Variants in WASHC3 observed in about 807,000 individuals in gnomAD.
WASHC3 encodes the protein WASH complex subunit CCDC53.
WASHC3 carries 24 observed loss-of-function variants against 26.1 expected under a neutral mutation model. The observed-to-expected ratio is 0.92, with a 90% CI of 0.66 to 1.29. WASHC3 has a LOEUF of 1.29. Among genes scored for constraint, WASHC3 ranks in the 50% most tolerant of loss-of-function variants. The pLI is 0.00. For missense variants in WASHC3, 214 were observed against 229.6 expected (o/e 0.93, Z 0.44); for synonymous variants, 77 against 75.7 (o/e 1.02, Z -0.09).
intron 6 of WASHC3, chr12:102,019,404 A>G (rs972209494): frequency 8.0e-6 from 3 of 375,020 alleles, no homozygotes; most frequent in Admixed American, 3.4e-5. Flanking sequence ...AGAAATTTTA[A>G]GACATATTTG....
At position 102,019,811 on chromosome 12, in the gene WASHC3, T is replaced by G. The variant is rs547472036; in HGVS notation, c.500+6163A>C. On this transcript the variant is annotated intron_variant, in intron 6 of 6. Coordinates refer to ENST00000240079, the MANE Select transcript of WASHC3 (RefSeq NM_016053.4). The stretch of plus-strand genomic sequence containing the variant: ...TTTCAAAGAAGTTACTAGGTTGACC[T>G]CAACTAAAAATGAGCCAAAATATAC... Among the ~76,000 whole-genome samples, 4 of 152,312 alleles carry G rather than the reference T, an allele frequency of 2.6e-5. No homozygotes were observed. The South Asian group carries it at 8.3e-4, about 32-fold the overall frequency.
At chr12:102,019,608 A>T (rs1876864562) in intron 6 of WASHC3, among the ~76,000 whole-genome samples, 2 of 152,184 alleles carry the variant, frequency 1.3e-5, no homozygotes, top group South Asian at 4.1e-4. Flanking sequence ...TATATTTTTT[A>T]AAAATTTCAA....
At position 102,046,116 on chromosome 12, in the gene WASHC3, G is replaced by A; in HGVS notation, c.154C>T (p.Leu52=). Residue 52 remains leucine, a synonymous_variant, in exon 3 of 7, where the codon CTG becomes TTG. Transcript: ENST00000240079. Reference sequence around the variant, plus strand: ...TGGATACGAAGTGAAAGGTCTGCCAGTTTCTGTAAAAGAAAAATTAGAGAC... The same window carrying A: ...TGGATACGAAGTGAAAGGTCTGCCAATTTCTGTAAAAGAAAAATTAGAGAC... ...NRFSTVCEEK[L]ADLSLRIQQI... 1 of 1,583,862 alleles carries A rather than the reference G, an allele frequency of 6.3e-7. No individual in the cohort carries two copies. Among genetic ancestry groups the A allele is most frequent in the South Asian group, 1.1e-5 (1 of 87,410 alleles).
intron 5 of WASHC3, among the ~76,000 whole-genome samples, chr12:102,036,868 T>A (rs925968233): frequency 7.9e-5 from 12 of 152,090 alleles, no homozygotes; most frequent in Non-Finnish European, 1.3e-4. Context: ...CTCAGTGACA[T>A]CAAGCAAAAA....
chr12:102,045,577 T>C (rs1878127606), intron 3 of WASHC3, among the ~76,000 whole-genome samples: 1 of 152,224 alleles, frequency 6.6e-6, no homozygotes, highest in South Asian at 2.1e-4. Flanking sequence ...TAAAACAGTC[T>C]TCTATTTTTC....
At chr12:102,035,028 G>A (rs962431797) in intron 5 of WASHC3, among the ~76,000 whole-genome samples, 5 of 151,960 alleles carry the variant, frequency 3.3e-5, no homozygotes, top group South Asian at 2.1e-4. Flanking sequence ...CCTAAGTGAG[G>A]CTAAAAGAAG....
At chr12:102,021,839 A>G (rs1036739977) in intron 6 of WASHC3, among the ~76,000 whole-genome samples, 8 of 92,550 alleles carry the variant, frequency 8.6e-5, no homozygotes, top group South Asian at 2.7e-4. Flanking sequence ...CCATGTAAAA[A>G]AAGTTTTTTG....
intron 3 of WASHC3, 49 bp downstream of exon 3, chr12:102,046,005 G>T: frequency 9.8e-7 from 1 of 1,020,314 alleles, no homozygotes; most frequent in Non-Finnish European, 1.5e-6. Context: ...TAAGAAAGCT[G>T]GTATATGCAC....
intron 5 of WASHC3, among the ~76,000 whole-genome samples, chr12:102,032,304 G>A (rs1024099809): frequency 6.6e-6 from 1 of 152,066 alleles, no homozygotes; most frequent in African/African-American, 2.4e-5. Context: ...TGGCAAATAT[G>A]GTTTCAAAAA....
At chr12:102,040,131 A>G in intron 4 of WASHC3, 153 bp from the exon 5 acceptor site, 1 of 385,376 alleles carries the variant, frequency 2.6e-6, no homozygotes, top group Non-Finnish European at 4.7e-6. Context: ...TTAATATGAG[A>G]TATGTTTCCA....
At position 102,061,249 on chromosome 12, in the gene WASHC3, TC is replaced by T. The variant is rs747401436; in HGVS notation, c.148del (p.Glu50ArgfsTer20). On this transcript the variant is annotated frameshift_variant and splice_region_variant, in exon 2 of 7. Coordinates refer to ENST00000240079, the MANE Select transcript of WASHC3 (RefSeq NM_016053.4). LOFTEE classifies it high-confidence loss of function. ...ATAAACCAGTATCACCGGACCTACC[TC>T]CTCACAAACTGTAGAAAAGCGGTTG... ...FLNRFSTVCE[E>X]KLADLSLRIQ... The T allele has an allele frequency of 6.2e-7, 1 of 1,610,344 alleles. No homozygotes were observed. The highest frequency in any genetic ancestry group is 1.3e-5 in the African/African-American group (1 of 74,840).
intron 5 of WASHC3, among the ~76,000 whole-genome samples, chr12:102,030,199 G>GTC (rs778839704): frequency 1.7e-4 from 25 of 151,358 alleles, no homozygotes; most frequent in Non-Finnish European, 2.8e-4. Flanking sequence ...GGAGGCTGAG[G>GTC]TAGGAGAATC....
intron 5 of WASHC3, among the ~76,000 whole-genome samples, chr12:102,035,848 T>C (rs1345190716): frequency 6.6e-6 from 1 of 152,216 alleles, no homozygotes; most frequent in Non-Finnish European, 1.5e-5. Flanking sequence ...AGAATACCGG[T>C]AAAGTCATTG....
At chr12:102,017,062 T>C (rs913972158) in intron 6 of WASHC3, among the ~76,000 whole-genome samples, 1 of 152,196 alleles carries the variant, frequency 6.6e-6, no homozygotes, top group Non-Finnish European at 1.5e-5. Flanking sequence ...GAAAGCTCCA[T>C]TCATGGTAAC....
At position 102,018,219 on chromosome 12, in the gene WASHC3, T is replaced by C. The variant is rs537802564; in HGVS notation, c.501-5027A>G. Reference sequence around the variant, plus strand: ...TTCCTATTCATCCACTGATGGATACTTACTTCCATTGCTTCTATCTTTTGG... The same window carrying C: ...TTCCTATTCATCCACTGATGGATACCTACTTCCATTGCTTCTATCTTTTGG... On this transcript the variant is annotated intron_variant, in intron 6 of 6. Coordinates refer to ENST00000240079, the MANE Select transcript of WASHC3 (RefSeq NM_016053.4). 2.6e-4 allele frequency among the ~76,000 whole-genome samples: 40 copies of C among 152,362 alleles called. 1 individual carries two copies. Among genetic ancestry groups the C allele is most frequent in the Admixed American group, 1.0e-3 (16 of 15,304 alleles).
intron 5 of WASHC3, among the ~76,000 whole-genome samples, chr12:102,034,961 C>T (rs1050957848): frequency 8.6e-5 from 13 of 151,806 alleles, no homozygotes; most frequent in African/African-American, 2.2e-4. Flanking sequence ...GGACAATAAC[C>T]GTAAATCAAA....
chr12:102,029,068 G>GA (rs1469176701), intron 5 of WASHC3, among the ~76,000 whole-genome samples: 1 of 152,132 alleles, frequency 6.6e-6, no homozygotes, highest in Non-Finnish European at 1.5e-5. Flanking sequence ...TGATAAAAAA[G>GA]AATAATTTGG....
At chr12:102,016,537 C>G (rs1301993888) in intron 6 of WASHC3, among the ~76,000 whole-genome samples, 1 of 152,064 alleles carries the variant, frequency 6.6e-6, no homozygotes, top group Non-Finnish European at 1.5e-5. Flanking sequence ...CTCCTACTTA[C>G]TTTTTGAAAA....
chr12:102,014,539 A>C (rs1565809065), intron 6 of WASHC3, among the ~76,000 whole-genome samples: 1 of 152,232 alleles, frequency 6.6e-6, no homozygotes, highest in East Asian at 1.9e-4. Flanking sequence ...TTAGGTATTA[A>C]AATTATGGCT....
Sources: gnomAD v4.1 joint callset for allele counts (sites outside exome capture counted in the v4.1 genomes callset) on GRCh38, gnomAD v4.1.1 for gene constraint, MANE v1.5 for transcripts, NCBI Gene and HGNC (gene_info 2026-07-23, HGNC 2026-07-21) for gene names.